The following TMOD2 variants were observed in gnomAD, a reference collection of about 807,000 sequenced individuals.
The protein encoded by TMOD2 is tropomodulin-2.
TMOD2 carries 22 observed loss-of-function variants against 39.9 expected under a neutral mutation model. The ratio of observed to expected loss-of-function variants is 0.55; its 90% CI spans 0.39 to 0.79. The LOEUF (loss-of-function observed/expected upper bound fraction) is 0.79, where lower values mean the gene tolerates loss of function less well. TMOD2 is among the 30% of genes least tolerant of loss of function. The probability of loss-of-function intolerance (pLI) is 0.00; values close to 1 mark genes in which losing one functional copy is unlikely to be tolerated. For missense variants in TMOD2, 386 were observed against 413.3 expected, an observed-to-expected ratio of 0.93 and a Z score of 0.57; for synonymous variants, 123 against 146.1, an observed-to-expected ratio of 0.84 and a Z score of 1.14.
At chr15:51,803,168 C>CTTTTTTTTTT (rs771354231) in intron 8 of TMOD2, among the ~76,000 whole-genome samples, 66 of 95,222 alleles carry the variant, frequency 6.9e-4, no homozygotes, top group East Asian at 1.2e-3. Flanking sequence ...TCTATATCTT[C>CTTTTTTTTTT]TTTTTTTTTT....
rs2055862891 is a variant in TMOD2, at chr15:51,772,908, T to C, written c.284-804T>C. On this transcript the variant is annotated intron_variant, in intron 3 of 9. Coordinates refer to ENST00000249700, the MANE Select transcript of TMOD2 (RefSeq NM_014548.4). ...GCAGGGTCCAAGGCAAGTATACAAA[T>C]AGAAGCCCACATGCCACATTTTCCA... Among the ~76,000 whole-genome samples the C allele has an allele frequency of 2.0e-5, 3 of 152,144 alleles. No individual in the cohort carries two copies. The South Asian group carries it at 6.2e-4, about 32-fold the overall frequency.
intron 9 of TMOD2, among the ~76,000 whole-genome samples, chr15:51,807,214 G>A (rs2056126867): frequency 6.6e-6 from 1 of 152,202 alleles, no homozygotes; most frequent in Non-Finnish European, 1.5e-5. Flanking sequence ...GTCAATAGCA[G>A]GCTTCAATCC....
intron 1 of TMOD2, among the ~76,000 whole-genome samples, chr15:51,762,009 C>T (rs1296428078): frequency 4.0e-5 from 6 of 151,766 alleles, no homozygotes; most frequent in African/African-American, 9.7e-5. Context: ...ATTATCCGGG[C>T]GTGGTGGCGG....
intron 1 of TMOD2, 30 bp from the exon 2 acceptor site, chr15:51,766,342 CT>C: frequency 1.7e-6 from 2 of 1,175,578 alleles, no homozygotes; most frequent in Non-Finnish European, 2.4e-6. Context: ...AACGGAGATT[CT>C]TTTTTATTGT....
intron 3 of TMOD2, among the ~76,000 whole-genome samples, chr15:51,771,757 A>T (rs537085303): frequency 6.6e-6 from 1 of 152,336 alleles, no homozygotes; most frequent in African/African-American, 2.4e-5. Flanking sequence ...CATAGACGCT[A>T]GGAATGTTAA....
chr15:51,770,117 C>T (rs896058629), intron 3 of TMOD2, among the ~76,000 whole-genome samples: 3 of 152,168 alleles, frequency 2.0e-5, no homozygotes, highest in East Asian at 3.8e-4. Flanking sequence ...TAGATATAGC[C>T]TCCATCCAGC....
intron 3 of TMOD2, among the ~76,000 whole-genome samples, chr15:51,769,199 A>G (rs950239079): frequency 6.6e-6 from 1 of 152,188 alleles, no homozygotes; most frequent in African/African-American, 2.4e-5. Flanking sequence ...TCGAACCCCA[A>G]AGAAAGTTTT....
chr15:51,783,060 T>A, intron 7 of TMOD2: 2 of 509,474 alleles, frequency 3.9e-6, no homozygotes, highest in East Asian at 7.1e-5. Flanking sequence ...AGAAACAAGA[T>A]AAGTTTGGCA....
In TMOD2 at chr15:51,768,095, T is replaced by C. The variant is rs140770344; in HGVS notation, c.127-167T>C. On this transcript the variant is annotated intron_variant, in intron 2 of 9. Transcript: ENST00000249700. Reference sequence around the variant, plus strand: ...TCTCAGCACTGAACATTATAACAAATAGGGCCTCAGAGGCGTCCCAGAGCC... The same window carrying C: ...TCTCAGCACTGAACATTATAACAAACAGGGCCTCAGAGGCGTCCCAGAGCC... Among the ~76,000 whole-genome samples the C allele has an allele frequency of 6.5e-3, 989 of 152,320 alleles. 10 individuals carry two copies. The highest frequency in any genetic ancestry group is 0.014 in the Middle Eastern group (4 of 294).
intron 8 of TMOD2, among the ~76,000 whole-genome samples, chr15:51,803,598 A>G (rs1258789547): frequency 6.6e-6 from 1 of 152,242 alleles, no homozygotes; most frequent in Non-Finnish European, 1.5e-5. Context: ...CTTCCTAAAC[A>G]TGATATCTAG....
intron 8 of TMOD2, among the ~76,000 whole-genome samples, chr15:51,799,035 C>T (rs1340201269): frequency 6.6e-6 from 1 of 152,186 alleles, no homozygotes; most frequent in Non-Finnish European, 1.5e-5. Flanking sequence ...CCTCTTTTTC[C>T]CAGCGTCAGC....
chr15:51,786,248 G>T (rs557463641), intron 7 of TMOD2, among the ~76,000 whole-genome samples: 2 of 152,202 alleles, frequency 1.3e-5, no homozygotes, highest in East Asian at 3.9e-4. Context: ...AGAACCAAGG[G>T]AAAGAAGTGA....
At chr15:51,773,674 G>A (rs2055868383) in intron 3 of TMOD2, 38 bp from the exon 4 acceptor site, 2 of 1,574,448 alleles carry the variant, frequency 1.3e-6, no homozygotes, top group African/African-American at 2.7e-5. Context: ...CAATAAGGCA[G>A]TAGTACTCAA....
At chr15:51,800,989 G>C (rs942245466) in intron 8 of TMOD2, among the ~76,000 whole-genome samples, 1 of 152,078 alleles carries the variant, frequency 6.6e-6, no homozygotes, top group African/African-American at 2.4e-5. Context: ...ACAGACATGA[G>C]CCCCACCGCG....
rs375822629 is a variant in TMOD2, at chr15:51,781,182, A to G, written c.624+8A>G. 5.5e-5 allele frequency: 88 copies of G among 1,591,534 alleles called. No homozygotes were observed. The highest frequency in any genetic ancestry group is 7.4e-5 in the Non-Finnish European group (87 of 1,172,980). ...AACCTCAACAACATTAAGGTATTTC[A>G]TTGTGATTATCATCAGTCAGTTAAT... On this transcript the variant is annotated splice_region_variant and intron_variant, in intron 6 of 9. Transcript: ENST00000249700.
intron 2 of TMOD2, chr15:51,766,948 A>G: frequency 6.4e-6 from 1 of 156,594 alleles, no homozygotes; most frequent in Non-Finnish European, 1.4e-5. Context: ...ACCCCTAGAC[A>G]TGGAGAGGTA....
chr15:51,807,094 C>T (rs1402380318), intron 9 of TMOD2, among the ~76,000 whole-genome samples: 2 of 152,164 alleles, frequency 1.3e-5, no homozygotes, highest in African/African-American at 4.8e-5. Context: ...TCAACCATAG[C>T]AAAGAAGAAA....
intron 7 of TMOD2, 122 bp from the exon 8 acceptor site, chr15:51,798,075 G>A: frequency 1.3e-6 from 1 of 794,968 alleles, no homozygotes; most frequent in East Asian, 3.0e-5. Flanking sequence ...AGTATGATTT[G>A]ATGAAGGTTT....
At chr15:51,753,452 G>T (rs536165119) in intron 1 of TMOD2, among the ~76,000 whole-genome samples, 1 of 152,100 alleles carries the variant, frequency 6.6e-6, no homozygotes, top group Non-Finnish European at 1.5e-5. Context: ...AAGACTTGGC[G>T]ATGGGGCAGA....
Sources: gnomAD v4.1 joint callset for allele counts (sites outside exome capture counted in the v4.1 genomes callset) on GRCh38, gnomAD v4.1.1 for gene constraint, MANE v1.5 for transcripts, NCBI Gene and HGNC (gene_info 2026-07-23, HGNC 2026-07-21) for gene names.